LARP1B: variants seen among roughly 807,000 people sequenced by gnomAD.
LARP1B encodes the protein La ribonucleoprotein 1B.
Under a neutral mutation model 114.2 loss-of-function variants are expected in LARP1B, and 76 were observed. That is an observed-to-expected ratio of 0.67 (90% CI 0.55 to 0.81). The LOEUF (loss-of-function observed/expected upper bound fraction) is 0.81, where lower values mean the gene tolerates loss of function less well. Among genes scored for constraint, LARP1B ranks in the 30% least tolerant of loss-of-function variants. LARP1B has a pLI of 0.00. For missense variants in LARP1B, 1,014 were observed against 1,075.8 expected (o/e 0.94, Z 0.80); for synonymous variants, 345 against 348.0 (o/e 0.99, Z 0.10).
At chr4:128,156,986 A>G (rs1736065762) in intron 11 of LARP1B, among the ~76,000 whole-genome samples, 1 of 151,842 alleles carries the variant, frequency 6.6e-6, no homozygotes, top group East Asian at 1.9e-4. Flanking sequence ...TCAAGCTTTT[A>G]GTAATAGTGT....
intron 15 of LARP1B, among the ~76,000 whole-genome samples, chr4:128,195,932 G>C (rs572848566): frequency 6.6e-6 from 1 of 152,202 alleles, no homozygotes; most frequent in African/African-American, 2.4e-5. Flanking sequence ...ATTACTACTG[G>C]TTGACCTTAC....
intron 11 of LARP1B, among the ~76,000 whole-genome samples, chr4:128,125,646 GA>G (rs1789326470): frequency 6.6e-6 from 1 of 152,176 alleles, no homozygotes; most frequent in African/African-American, 2.4e-5. Flanking sequence ...TCGGGAGGCT[GA>G]AGGCAGGAGA....
At chr4:128,073,589 T>TTG (rs1561056975) in intron 1 of LARP1B, among the ~76,000 whole-genome samples, 12 of 38,362 alleles carry the variant, frequency 3.1e-4, no homozygotes, top group African/African-American at 9.8e-4. Flanking sequence ...TTTTTTTTTT[T>TTG]TTTTTTTTTT....
intron 11 of LARP1B, among the ~76,000 whole-genome samples, chr4:128,150,811 T>G (rs907423455): frequency 1.3e-5 from 2 of 152,220 alleles, no homozygotes; most frequent in African/African-American, 4.8e-5. Context: ...ACCATCAGAC[T>G]GTAATTCACA....
chr4:128,153,769 A>G (rs914534434), intron 11 of LARP1B, among the ~76,000 whole-genome samples: 3 of 152,158 alleles, frequency 2.0e-5, no homozygotes, highest in Admixed American at 6.6e-5. Flanking sequence ...CTCTAGAACT[A>G]TATTACCGGT....
At chr4:128,214,472 C>G (rs953651530), downstream of LARP1B, among the ~76,000 whole-genome samples, 1 of 151,832 alleles carries the variant, frequency 6.6e-6, no homozygotes, top group African/African-American at 2.4e-5. Flanking sequence ...TGGCAGACTG[C>G]CTCCTCAAGT....
intron 19 of LARP1B, 131 bp from the exon 20 acceptor site, chr4:128,209,720 CAAAAA>C: frequency 2.2e-4 from 106 of 491,430 alleles, no homozygotes; most frequent in Middle Eastern, 5.5e-4. Context: ...GAGACTCCAT[CAAAAA>C]AAAAAAAAAA....
At chr4:128,119,005 C>T (rs527593232) in intron 10 of LARP1B, among the ~76,000 whole-genome samples, 28 of 151,770 alleles carry the variant, frequency 1.8e-4, no homozygotes, top group East Asian at 9.7e-4. Flanking sequence ...CTCAGCCTCC[C>T]GAGTAGCTGG....
chr4:128,194,626 T>C (rs2150826989), intron 15 of LARP1B, among the ~76,000 whole-genome samples: 1 of 127,458 alleles, frequency 7.8e-6, no homozygotes, highest in South Asian at 2.4e-4. Context: ...GAGCTTGCAG[T>C]GAGCCAAGAT....
Position 128,211,004 on chromosome 4 carries a change from T to C in LARP1B, c.*951T>C. ...TTTTACCTTTTTGTTTATTTTTTGT[T>C]TAATTTTGTTTTTATAAATGTTTTC... On this transcript the variant is annotated 3_prime_UTR_variant, in exon 20 of 20. Transcript: ENST00000326639. 1 of 921,000 alleles carries C rather than the reference T, an allele frequency of 1.1e-6. No homozygotes were observed. Among genetic ancestry groups the C allele is most frequent in the Non-Finnish European group, 1.3e-6 (1 of 771,454 alleles). The allele number at this position is 921,000 out of a possible 1,614,324, so 57.1% of individuals were successfully genotyped here.
intron 13 of LARP1B, 136 bp from the exon 14 acceptor site, chr4:128,178,295 T>A: frequency 1.6e-6 from 1 of 621,660 alleles, no homozygotes; most frequent in Non-Finnish European, 2.7e-6. Context: ...AAGTATTTGT[T>A]ATTTTTGTTT....
At chr4:128,107,442 G>A (rs1193706269) in intron 9 of LARP1B, 129 bp downstream of exon 9, 2 of 1,497,292 alleles carry the variant, frequency 1.3e-6, no homozygotes, top group Non-Finnish European at 8.9e-7. Context: ...AGACTTTTGA[G>A]TCCCATTTTG....
rs192362136 is a variant in LARP1B at position 128,217,860 on chromosome 4, G to T, written n.849-2495G>T. Among the ~76,000 whole-genome samples the T allele has an allele frequency of 2.7e-3, 398 of 150,028 alleles. 3 individuals are homozygous for T. Among genetic ancestry groups the T allele is most frequent in the African/African-American group, 9.3e-3 (377 of 40,656 alleles). On this transcript the variant is annotated intron_variant and non_coding_transcript_variant, in intron 6 of 7. Coordinates refer to the LARP1B transcript ENST00000503725. ...GAAAAGAGGAAGTCAAATTACCCCT[G>T]TTTGCAGACGACATGATTGTTTATC...
At chr4:128,084,638 G>A (rs1277610973) in intron 5 of LARP1B, among the ~76,000 whole-genome samples, 3 of 151,638 alleles carry the variant, frequency 2.0e-5, no homozygotes, top group South Asian at 4.2e-4. Context: ...AGGGGAGGGG[G>A]AGAGGGAGAG....
chr4:128,077,124 G>A (rs1230166310), intron 3 of LARP1B, among the ~76,000 whole-genome samples: 2 of 152,086 alleles, frequency 1.3e-5, no homozygotes, highest in East Asian at 3.9e-4. Context: ...GCATTTTTCT[G>A]ATGAATGAAT....
downstream of LARP1B, among the ~76,000 whole-genome samples, chr4:128,213,789 G>C (rs1451884226): frequency 6.6e-6 from 1 of 152,182 alleles, no homozygotes; most frequent in Admixed American, 6.5e-5. Context: ...AGGAATTAGT[G>C]GGGGGAGGAG....
intron 5 of LARP1B, among the ~76,000 whole-genome samples, chr4:128,090,756 G>A (rs997169694): frequency 6.6e-6 from 1 of 152,048 alleles, no homozygotes; most frequent in Non-Finnish European, 1.5e-5. Flanking sequence ...TACCTTTCTA[G>A]TATGTTATTT....
At chr4:128,083,099 C>CA (rs1771251365) in intron 5 of LARP1B, among the ~76,000 whole-genome samples, 1 of 152,102 alleles carries the variant, frequency 6.6e-6, no homozygotes, top group East Asian at 1.9e-4. Flanking sequence ...CCTGAGTGGA[C>CA]ACAGCACATG....
chr4:128,103,913 G>T (rs1781206537), intron 8 of LARP1B, among the ~76,000 whole-genome samples: 1 of 151,108 alleles, frequency 6.6e-6, no homozygotes, highest in South Asian at 2.1e-4. Context: ...GGCTTTAGTA[G>T]CTGTACATAA....
Sources: gnomAD v4.1 joint callset for allele counts (sites outside exome capture counted in the v4.1 genomes callset) on GRCh38, gnomAD v4.1.1 for gene constraint, MANE v1.5 for transcripts, NCBI Gene and HGNC (gene_info 2026-07-23, HGNC 2026-07-21) for gene names.